The following C2orf76 variants were observed in gnomAD, a reference collection of about 807,000 sequenced individuals.
C2orf76 encodes the protein UPF0538 protein C2orf76.
C2orf76 carries 23 observed loss-of-function variants against 16.9 expected under a neutral mutation model. The ratio of observed to expected loss-of-function variants is 1.36; its 90% confidence interval spans 0.98 to 1.93. The LOEUF is 1.93. Among genes scored for constraint, C2orf76 ranks in the 30% most tolerant of loss-of-function variants. The pLI, the probability that C2orf76 is intolerant of heterozygous loss-of-function variation, is 0.00. For missense variants in C2orf76, 152 were observed against 152.6 expected (o/e 1.00, Z 0.02); for synonymous variants, 48 against 52.3 (o/e 0.92, Z 0.35).
upstream of C2orf76, chr2:119,366,869 G>C (rs1359766024): frequency 2.6e-6 from 2 of 767,972 alleles, no homozygotes; most frequent in Non-Finnish European, 4.1e-6. Flanking sequence ...CTAGCGCCGC[G>C]GCGGGGGCTG....
At chr2:119,360,749 G>A (rs1358264121) in intron 1 of C2orf76, among the ~76,000 whole-genome samples, 2 of 152,120 alleles carry the variant, frequency 1.3e-5, no homozygotes, top group East Asian at 1.9e-4. Flanking sequence ...AGCCTTCAAA[G>A]AGTGAATGGT....
chr2:119,366,941 TG>T (rs1681035991), upstream of C2orf76: 2 of 1,387,336 alleles, frequency 1.4e-6, no homozygotes, highest in South Asian at 1.2e-5. Context: ...CGAGCAGGGT[TG>T]GGGCGAGTGG....
chr2:119,349,189 G>C (rs999154129), intron 1 of C2orf76, among the ~76,000 whole-genome samples: 1 of 152,168 alleles, frequency 6.6e-6, no homozygotes, highest in African/African-American at 2.4e-5. Context: ...AATATTGTTT[G>C]ATGTTTTACC....
chr2:119,294,593 G>A, the C2orf76 span, among the ~76,000 whole-genome samples: 26 of 152,262 alleles, frequency 1.7e-4, no homozygotes, highest in Non-Finnish European at 3.1e-4. Context: ...AGGCAGGTGA[G>A]GGACATGTCC....
chr2:119,294,709 G>A, the C2orf76 span, among the ~76,000 whole-genome samples: 6 of 152,116 alleles, frequency 3.9e-5, no homozygotes, highest in Non-Finnish European at 7.4e-5. Flanking sequence ...GAGAGCGAGC[G>A]GAACTGCAGG....
At chr2:119,325,662 C>A (rs1418907953) in intron 2 of C2orf76, among the ~76,000 whole-genome samples, 1 of 152,038 alleles carries the variant, frequency 6.6e-6, no homozygotes, top group Admixed American at 6.6e-5. Flanking sequence ...AGTGGCTGTT[C>A]CTTTTAATAT....
At chr2:119,282,149 GAA>G in the C2orf76 span, among the ~76,000 whole-genome samples, 1 of 145,064 alleles carries the variant, frequency 6.9e-6, no homozygotes, top group Non-Finnish European at 1.5e-5. Context: ...CCGTCTCAAA[GAA>G]AAAAAAAAAG....
At chr2:119,325,284 A>AC (rs1329176444) in intron 2 of C2orf76, among the ~76,000 whole-genome samples, 1 of 151,958 alleles carries the variant, frequency 6.6e-6, no homozygotes, top group Non-Finnish European at 1.5e-5. Flanking sequence ...ACATAGTGAA[A>AC]CCCCATCTCT....
the C2orf76 span, among the ~76,000 whole-genome samples, chr2:119,283,842 C>A: frequency 6.6e-6 from 1 of 152,060 alleles, no homozygotes; most frequent in Non-Finnish European, 1.5e-5. Context: ...ATAATCAAAT[C>A]AAAAAATCAG....
At chr2:119,311,192 G>A in intron 5 of C2orf76, 1 of 985,346 alleles carries the variant, frequency 1.0e-6, no homozygotes, top group Non-Finnish European at 1.2e-6. Flanking sequence ...GCCTTGGTGG[G>A]CCCTGAGTGA....
chr2:119,336,849 T>C (rs1347253664), intron 2 of C2orf76, among the ~76,000 whole-genome samples: 1 of 152,224 alleles, frequency 6.6e-6, no homozygotes, highest in Non-Finnish European at 1.5e-5. Context: ...CAAGATGAAC[T>C]AAATTCAAAG....
chr2:119,345,834 C>T (rs1378722982), intron 1 of C2orf76, among the ~76,000 whole-genome samples: 2 of 151,800 alleles, frequency 1.3e-5, no homozygotes, highest in African/African-American at 2.4e-5. Context: ...GGCCGAGGCC[C>T]GCGGATCACA....
intron 1 of C2orf76, among the ~76,000 whole-genome samples, chr2:119,363,038 ACT>A (rs1260124660): frequency 6.7e-6 from 1 of 148,510 alleles, no homozygotes; most frequent in Non-Finnish European, 1.5e-5. Context: ...ACCCCCACCA[ACT>A]CTCACCTCCC....
intron 1 of C2orf76, among the ~76,000 whole-genome samples, chr2:119,341,419 G>A (rs541091312): frequency 2.0e-5 from 3 of 152,292 alleles, no homozygotes; most frequent in South Asian, 2.1e-4. Context: ...TGTGAGGTTG[G>A]TAAGATCATC....
chr2:119,359,981 A>G (rs1225280159), intron 1 of C2orf76, among the ~76,000 whole-genome samples: 1 of 152,230 alleles, frequency 6.6e-6, no homozygotes, highest in Non-Finnish European at 1.5e-5. Flanking sequence ...CTTTCTTGAA[A>G]GGAAGAGTCA....
At chr2:119,318,380 C>T (rs1679243252) in intron 3 of C2orf76, among the ~76,000 whole-genome samples, 1 of 152,094 alleles carries the variant, frequency 6.6e-6, no homozygotes, top group South Asian at 2.1e-4. Flanking sequence ...CAAGGAATTC[C>T]AACAGTGACA....
chr2:119,291,690 C>A, the C2orf76 span, among the ~76,000 whole-genome samples: 1 of 152,158 alleles, frequency 6.6e-6, no homozygotes, highest in South Asian at 2.1e-4. Context: ...CAGCCGGACA[C>A]CCCTGCCTTG....
At chr2:119,283,041 C>G in the C2orf76 span, among the ~76,000 whole-genome samples, 1 of 152,162 alleles carries the variant, frequency 6.6e-6, no homozygotes, top group African/African-American at 2.4e-5. Context: ...AGCCACTCTG[C>G]GGGGATGTCA....
chr2:119,354,540 T>C (rs923473363), intron 1 of C2orf76, among the ~76,000 whole-genome samples: 2 of 152,154 alleles, frequency 1.3e-5, no homozygotes, highest in Admixed American at 6.5e-5. Flanking sequence ...AAAAATTTTT[T>C]TTAAAAAACC....
Sources: allele counts gnomAD v4.1 joint callset (sites outside exome capture counted in the v4.1 genomes callset), GRCh38; gene constraint gnomAD v4.1.1; transcripts MANE v1.5; gene names NCBI Gene and HGNC (gene_info 2026-07-23, HGNC 2026-07-21).